Variants in TFCP2L1 observed in about 807,000 individuals in gnomAD.
TFCP2L1 encodes transcription factor CP2 like 1, also known as transcription factor CP2-like protein 1.
A neutral mutation model predicts 72.2 loss-of-function variants in TFCP2L1; 12 were observed. The ratio of observed to expected loss-of-function variants is 0.17; its 90% CI spans 0.11 to 0.27. TFCP2L1 has a LOEUF of 0.27. Among genes scored for constraint, TFCP2L1 ranks in the 10% least tolerant of loss-of-function variants. The probability of loss-of-function intolerance (pLI) is 1.00; values close to 1 mark genes in which losing one functional copy is unlikely to be tolerated. For missense variants in TFCP2L1, 488 were observed against 624.6 expected, an observed-to-expected ratio of 0.78 and a Z score of 2.33; for synonymous variants, 260 against 251.0, an observed-to-expected ratio of 1.04 and a Z score of -0.34.
At position 121,246,910 on chromosome 2, in the gene TFCP2L1, A is replaced by C. The variant is rs1211531651; in HGVS notation, c.565T>G (p.Phe189Val). The C allele has an allele frequency of 6.2e-7, 1 of 1,614,012 alleles. No homozygotes were observed. Reference protein sequence around the residue: ...RKHGGEKGVPFRVQIDTFKQN... With the variant: ...RKHGGEKGVPVRVQIDTFKQN... ...TTAAACGTGTCAATCTGGACTCGAA[A>C]GGGCACTCCCTTCTCGCCCCCGTGC... is the stretch of plus-strand genomic sequence containing the variant. The change falls in exon 6 of 15, where the codon TTT (phenylalanine) becomes GTT (valine). Residue 189 changes from phenylalanine to valine, a missense_variant. Phe to Val is a conservative substitution (Grantham distance 50, BLOSUM62 -1). This residue lies in a region of TFCP2L1 where 129 missense variants were observed against 236.0 expected (regional missense o/e 0.55). Coordinates refer to ENST00000263707, the MANE Select transcript of TFCP2L1 (RefSeq NM_014553.3).
intron 2 of TFCP2L1, among the ~76,000 whole-genome samples, chr2:121,276,676 T>A (rs911548572): frequency 1.3e-5 from 2 of 150,746 alleles, no homozygotes; most frequent in Non-Finnish European, 3.0e-5. Flanking sequence ...AGTTTCAGAA[T>A]TGACTTTCTA....
intron 11 of TFCP2L1, among the ~76,000 whole-genome samples, chr2:121,234,547 G>A (rs1324629608): frequency 5.3e-5 from 8 of 152,188 alleles, no homozygotes. Flanking sequence ...TCATTCCACA[G>A]TTGAGCAAAC....
chr2:121,255,258 G>C (rs1686691364), intron 2 of TFCP2L1, among the ~76,000 whole-genome samples: 1 of 152,176 alleles, frequency 6.6e-6, no homozygotes, highest in South Asian at 2.1e-4. Flanking sequence ...AACTCCCCAA[G>C]TTAAGGCTTC....
chr2:121,239,698 C>T lies in TFCP2L1; in HGVS notation c.769-49G>A, dbSNP rs543723789. 41 of 1,565,540 alleles carry T rather than the reference C, an allele frequency of 2.6e-5. No individual in the cohort carries two copies. The Middle Eastern group carries it at 1.7e-3, about 65-fold the overall frequency. ...GCTGGGATCTGGAGAGGCGCTGAGCCGTGCTCCCCAGGTCCTCCCAAGCAG... is the reference window on the plus strand; with the variant it reads ...GCTGGGATCTGGAGAGGCGCTGAGCTGTGCTCCCCAGGTCCTCCCAAGCAG... On this transcript the variant is annotated intron_variant, in intron 7 of 14. Transcript: ENST00000263707.
rs553686866 is a variant in TFCP2L1 at position 121,254,859 on chromosome 2, A to C, written c.215-5212T>G. ...GCAAAGCACAGCCAGGCAGAGGGGG[A>C]GGAGTGCCTCTAGGGAACAGCTGCA... On this transcript the variant is annotated intron_variant, in intron 2 of 14. Coordinates refer to ENST00000263707, the MANE Select transcript of TFCP2L1 (RefSeq NM_014553.3). Among the ~76,000 whole-genome samples the C allele has an allele frequency of 1.1e-3, 174 of 151,888 alleles. 1 individual carries two copies. The highest frequency in any genetic ancestry group is 3.9e-3 in the African/African-American group (163 of 41,418).
intron 1 of TFCP2L1, 67 bp downstream of exon 1, chr2:121,284,981 G>A: frequency 7.2e-7 from 1 of 1,379,472 alleles, no homozygotes; most frequent in Non-Finnish European, 9.5e-7. Flanking sequence ...CTCCGCCCCT[G>A]GACGTCCAAC....
chr2:121,248,985 T>A lies in TFCP2L1; in HGVS notation c.394A>T (p.Ile132Phe), dbSNP rs764069354. The change falls in exon 4 of 15, where the codon ATC (isoleucine) becomes TTC (phenylalanine). Residue 132 changes from isoleucine to phenylalanine, a missense_variant. Ile to Phe is a conservative substitution (Grantham distance 21). Transcript: ENST00000263707. ...CTCTCCTGGCCAGGAGACTCACCGA[T>A]GTCCAGGATCCGGTCCCCTGGCCGA... ...WSRPGDRILDIDIPLSVGILD... is the reference protein window; with the variant it reads ...WSRPGDRILDFDIPLSVGILD... 1 of 1,594,090 alleles carries A rather than the reference T, an allele frequency of 6.3e-7. No homozygotes were observed. Among genetic ancestry groups the A allele is most frequent in the South Asian group, 1.1e-5 (1 of 87,240 alleles).
At chr2:121,242,314 G>A (rs1001774649) in intron 7 of TFCP2L1, 45 bp downstream of exon 7, 1 of 1,555,000 alleles carries the variant, frequency 6.4e-7, no homozygotes. Flanking sequence ...CCTGCTCCTG[G>A]TGGAAGACCC....
intron 2 of TFCP2L1, among the ~76,000 whole-genome samples, chr2:121,261,760 C>G (rs1367715176): frequency 2.0e-5 from 3 of 152,126 alleles, no homozygotes; most frequent in Non-Finnish European, 2.9e-5. Context: ...TAAACAGTCT[C>G]CAAGTCATAT....
At chr2:121,241,176 A>G (rs1686359468) in intron 7 of TFCP2L1, among the ~76,000 whole-genome samples, 1 of 152,220 alleles carries the variant, frequency 6.6e-6, no homozygotes, top group Non-Finnish European at 1.5e-5. Flanking sequence ...CCTGTAAAAA[A>G]GGAGGCACTA....
intron 2 of TFCP2L1, among the ~76,000 whole-genome samples, chr2:121,272,108 G>A (rs1687059159): frequency 6.6e-6 from 1 of 152,106 alleles, no homozygotes; most frequent in South Asian, 2.1e-4. Context: ...GAGAAAGAAA[G>A]GGTGCTTCCC....
intron 2 of TFCP2L1, among the ~76,000 whole-genome samples, chr2:121,251,764 A>C (rs1443218897): frequency 6.6e-6 from 1 of 152,226 alleles, no homozygotes; most frequent in Non-Finnish European, 1.5e-5. Flanking sequence ...TACGTATATC[A>C]AAACATCATG....
At chr2:121,264,567 C>T (rs890107226) in intron 2 of TFCP2L1, among the ~76,000 whole-genome samples, 5 of 152,150 alleles carry the variant, frequency 3.3e-5, no homozygotes, top group Admixed American at 6.5e-5. Context: ...CAGCTGAGGC[C>T]GTGTGCTCTC....
intron 7 of TFCP2L1, among the ~76,000 whole-genome samples, chr2:121,241,911 G>C (rs1686377050): frequency 6.6e-6 from 1 of 151,932 alleles, no homozygotes; most frequent in Non-Finnish European, 1.5e-5. Flanking sequence ...GCAGGCATGG[G>C]GCAAACGTGT....
chr2:121,284,929 G>A (rs868826225), intron 1 of TFCP2L1, 119 bp downstream of exon 1: 19 of 877,492 alleles, frequency 2.2e-5, no homozygotes, highest in Middle Eastern at 3.9e-4. Flanking sequence ...GTCCCCAGAG[G>A]GCGGACAGCG....
At chr2:121,277,326 C>A (rs1010937679) in intron 2 of TFCP2L1, among the ~76,000 whole-genome samples, 1 of 152,072 alleles carries the variant, frequency 6.6e-6, no homozygotes, top group African/African-American at 2.4e-5. Context: ...CCAAGCCAGA[C>A]CCCAGCTCAA....
At chr2:121,275,861 G>A (rs912609261) in intron 2 of TFCP2L1, among the ~76,000 whole-genome samples, 4 of 152,144 alleles carry the variant, frequency 2.6e-5, no homozygotes, top group African/African-American at 4.8e-5. Flanking sequence ...GTGAGCCACC[G>A]CGCCCAGTTG....
chr2:121,231,876 G>A lies in TFCP2L1; in HGVS notation c.1291C>T (p.Arg431Ter). Residue 431 changes from arginine (R) to a stop codon, truncating the protein, a stop_gained, in exon 13 of 15, where the codon CGA (arginine) becomes TGA (stop). Coordinates refer to ENST00000263707, the MANE Select transcript of TFCP2L1 (RefSeq NM_014553.3). LOFTEE classifies it high-confidence loss of function. Reference protein sequence around the residue: ...LYSISPQHIHRVYRQGPTGIH... With the variant: ...LYSISPQHIH ...CCCGTGGGGCCCTGCCGGTAGACTCGGTGGATGTGCTGGGGGGAGATGCTG... is the reference window on the plus strand; with the variant it reads ...CCCGTGGGGCCCTGCCGGTAGACTCAGTGGATGTGCTGGGGGGAGATGCTG... 6.2e-7 allele frequency: 1 copy of A among 1,613,650 alleles called. No homozygotes were observed. The highest frequency in any genetic ancestry group is 8.5e-7 in the Non-Finnish European group (1 of 1,179,762).
At chr2:121,255,969 C>A (rs1686710773) in intron 2 of TFCP2L1, among the ~76,000 whole-genome samples, 1 of 152,118 alleles carries the variant, frequency 6.6e-6, no homozygotes, top group African/African-American at 2.4e-5. Flanking sequence ...GTCTCGATCT[C>A]CTACCTCGTG....
Sources: gnomAD v4.1 joint callset for allele counts (sites outside exome capture counted in the v4.1 genomes callset) on GRCh38, gnomAD v4.1.1 for gene constraint, gnomAD v4.1.1 regional missense constraint, MANE v1.5 for transcripts, NCBI Gene and HGNC (gene_info 2026-07-23, HGNC 2026-07-21) for gene names.